CDH13: variants seen among roughly 807,000 people sequenced by gnomAD.
The protein encoded by CDH13 is cadherin-13.
A neutral mutation model predicts 63.8 loss-of-function variants in CDH13; 24 were observed. The observed-to-expected ratio is 0.38, with a 90% CI of 0.27 to 0.53. The LOEUF (loss-of-function observed/expected upper bound fraction) is 0.53, where lower values mean the gene tolerates loss of function less well. Among genes scored for constraint, CDH13 ranks in the 20% least tolerant of loss-of-function variants. The probability of loss-of-function intolerance (pLI) is 0.85; values close to 1 mark genes in which losing one functional copy is unlikely to be tolerated. For synonymous variants in CDH13, 503 were observed against 355.3 expected, an observed-to-expected ratio of 1.42 and a Z score of -4.67; for missense variants, 1,049 against 903.1, an observed-to-expected ratio of 1.16 and a Z score of -2.07.
intron 6 of CDH13, among the ~76,000 whole-genome samples, chr16:83,372,261 A>G (rs7192412): frequency 0.016 from 2,464 of 152,326 alleles, 72 homozygotes; most frequent in African/African-American, 0.056. Context: ...AACTAGTGAC[A>G]GGTGAAGCAG....
chr16:83,449,170 G>A (rs1048715537), intron 6 of CDH13, among the ~76,000 whole-genome samples: 8 of 152,118 alleles, frequency 5.3e-5, no homozygotes, highest in South Asian at 2.1e-4. Context: ...GATGGAATTC[G>A]TTGCCACAAT....
intron 6 of CDH13, chr16:83,397,308 C>G (rs1186340974): frequency 1.3e-5 from 2 of 152,190 alleles, no homozygotes; most frequent in East Asian, 3.9e-4. Flanking sequence ...TCAAGAAGTT[C>G]AACCCTTCCA....
chr16:83,648,264 C>A (rs533619327), intron 8 of CDH13, among the ~76,000 whole-genome samples: 1 of 152,132 alleles, frequency 6.6e-6, no homozygotes, highest in Non-Finnish European at 1.5e-5. Context: ...CATGCAAGAA[C>A]AAGCCAGTGG....
intron 7 of CDH13, among the ~76,000 whole-genome samples, chr16:83,498,161 G>A (rs377140521): frequency 1.1e-4 from 17 of 152,224 alleles, no homozygotes; most frequent in African/African-American, 4.1e-4. Flanking sequence ...TTAGAGCCCT[G>A]ATAGGTGAGA....
At chr16:83,645,389 C>T (rs1911693931) in intron 8 of CDH13, among the ~76,000 whole-genome samples, 1 of 152,102 alleles carries the variant, frequency 6.6e-6, no homozygotes, top group South Asian at 2.1e-4. Flanking sequence ...ACAGTGAGGA[C>T]TCCAAATGCA....
intron 2 of CDH13, among the ~76,000 whole-genome samples, chr16:82,957,360 T>A (rs548518849): frequency 6.6e-6 from 1 of 152,346 alleles, no homozygotes; most frequent in South Asian, 2.1e-4. Context: ...CTTCCAAACA[T>A]GGCAATCCTG....
intron 6 of CDH13, among the ~76,000 whole-genome samples, chr16:83,463,011 C>A (rs112048988): frequency 1.3e-5 from 2 of 151,986 alleles, no homozygotes; most frequent in African/African-American, 4.8e-5. Context: ...CCCAGTGTGC[C>A]AAGCTCTAGG....
At chr16:83,085,519 T>C in intron 3 of CDH13, among the ~76,000 whole-genome samples, 1 of 152,202 alleles carries the variant, frequency 6.6e-6, no homozygotes, top group East Asian at 1.9e-4. Flanking sequence ...GCTTGTCCTC[T>C]TTGGAATAAG....
At chr16:82,699,403 C>A (rs1162393328) in intron 1 of CDH13, among the ~76,000 whole-genome samples, 1 of 152,172 alleles carries the variant, frequency 6.6e-6, no homozygotes, top group Non-Finnish European at 1.5e-5. Flanking sequence ...GAAGCCATCT[C>A]ATTATGTTAA....
chr16:83,780,499 C>G (rs544061737), intron 12 of CDH13, among the ~76,000 whole-genome samples: 2 of 152,288 alleles, frequency 1.3e-5, no homozygotes, highest in East Asian at 3.9e-4. Flanking sequence ...TTTAGTATAA[C>G]TCCAATATTC....
intron 1 of CDH13, among the ~76,000 whole-genome samples, chr16:82,702,743 C>G (rs2031150020): frequency 6.6e-6 from 1 of 152,134 alleles, no homozygotes; most frequent in African/African-American, 2.4e-5. Context: ...TGATCAAAAG[C>G]TTCTTCCTGA....
At chr16:82,690,374 A>T (rs971967696) in intron 1 of CDH13, among the ~76,000 whole-genome samples, 1 of 152,162 alleles carries the variant, frequency 6.6e-6, no homozygotes, top group Non-Finnish European at 1.5e-5. Context: ...CTATAAATGA[A>T]GAACTTGGCT....
At chr16:83,456,117 C>T (rs1370507616) in intron 6 of CDH13, among the ~76,000 whole-genome samples, 1 of 152,214 alleles carries the variant, frequency 6.6e-6, no homozygotes, top group African/African-American at 2.4e-5. Context: ...TCTTCATCCA[C>T]CAAACACCAG....
intron 1 of CDH13, among the ~76,000 whole-genome samples, chr16:82,809,517 T>C (rs1279280474): frequency 6.6e-6 from 1 of 152,146 alleles, no homozygotes; most frequent in Non-Finnish European, 1.5e-5. Context: ...GTGTAAGTGA[T>C]GACGCTCAAA....
intron 5 of CDH13, among the ~76,000 whole-genome samples, chr16:83,276,285 G>A (rs80015155): frequency 0.014 from 2,074 of 152,148 alleles, 44 homozygotes; most frequent in African/African-American, 0.047. Flanking sequence ...AGCCCCCCAA[G>A]AGCAGCCCTA....
chr16:82,967,664 C>CA (rs1413849008), intron 2 of CDH13, among the ~76,000 whole-genome samples: 1 of 152,156 alleles, frequency 6.6e-6, no homozygotes. Context: ...CAGAGACCCC[C>CA]CCAGCCTGCT....
intron 1 of CDH13, among the ~76,000 whole-genome samples, chr16:82,675,486 G>T (rs1488553196): frequency 6.6e-6 from 1 of 152,140 alleles, no homozygotes; most frequent in Admixed American, 6.5e-5. Flanking sequence ...AGGAATTAAG[G>T]TATTCTCCTC....
chr16:83,412,079 C>T (rs1484513086), intron 6 of CDH13, among the ~76,000 whole-genome samples: 1 of 152,196 alleles, frequency 6.6e-6, no homozygotes, highest in Non-Finnish European at 1.5e-5. Flanking sequence ...GGCTCTATGG[C>T]TGGAACTTCA....
intron 1 of CDH13, among the ~76,000 whole-genome samples, chr16:82,762,419 G>A (rs2034889039): frequency 6.6e-6 from 1 of 152,200 alleles, no homozygotes; most frequent in Non-Finnish European, 1.5e-5. Context: ...AAGTTCTCAA[G>A]TGCTGTAGCT....
Sources: allele counts gnomAD v4.1 joint callset (sites outside exome capture counted in the v4.1 genomes callset), GRCh38; gene constraint gnomAD v4.1.1; transcripts MANE v1.5; gene names NCBI Gene and HGNC (gene_info 2026-07-23, HGNC 2026-07-21).